Variants in ESRRG observed in about 807,000 individuals in gnomAD.
The protein encoded by ESRRG is estrogen-related receptor gamma.
In ESRRG, 13 loss-of-function variants were observed where a neutral mutation model predicts 44.0. The ratio of observed to expected loss-of-function variants is 0.30; its 90% CI spans 0.19 to 0.47. ESRRG has a LOEUF of 0.47. Among genes scored for constraint, ESRRG ranks in the 20% least tolerant of loss-of-function variants. The pLI is 1.00. For synonymous variants in ESRRG, 215 were observed against 214.6 expected (o/e 1.00, Z -0.02); for missense variants, 395 against 580.6 (o/e 0.68, Z 3.29).
intron 2 of ESRRG, among the ~76,000 whole-genome samples, chr1:216,672,716 A>G (rs2075417974): frequency 6.6e-6 from 1 of 151,808 alleles, no homozygotes; most frequent in African/African-American, 2.4e-5. Context: ...AAAGAGTGAA[A>G]AATTAGGTAG....
chr1:217,075,857 G>A (rs191429464), intron 1 of ESRRG, among the ~76,000 whole-genome samples: 1 of 152,092 alleles, frequency 6.6e-6, no homozygotes, highest in Non-Finnish European at 1.5e-5. Flanking sequence ...GTATGTAGAG[G>A]GGGTTGATGC....
chr1:217,019,128 T>G (rs2079893989), intron 1 of ESRRG, among the ~76,000 whole-genome samples: 1 of 152,230 alleles, frequency 6.6e-6, no homozygotes, highest in African/African-American at 2.4e-5. Flanking sequence ...GTTTGTTCTC[T>G]AACTGTAGTT....
chr1:216,668,834 A>G (rs1197901870), intron 2 of ESRRG, among the ~76,000 whole-genome samples: 1 of 152,234 alleles, frequency 6.6e-6, no homozygotes, highest in African/African-American at 2.4e-5. Context: ...CTGAAGAAGT[A>G]AAAATATTCT....
intron 2 of ESRRG, among the ~76,000 whole-genome samples, chr1:216,767,239 C>A (rs187886525): frequency 4.6e-5 from 7 of 151,970 alleles, no homozygotes; most frequent in Admixed American, 2.6e-4. Flanking sequence ...GTTACATTGG[C>A]TTCTAAAAAA....
intron 2 of ESRRG, among the ~76,000 whole-genome samples, chr1:216,845,113 A>G (rs984819357): frequency 5.3e-5 from 8 of 152,136 alleles, no homozygotes; most frequent in African/African-American, 1.9e-4. Flanking sequence ...CATCTGAAAT[A>G]CCAATGTACG....
intron 1 of ESRRG, among the ~76,000 whole-genome samples, chr1:217,032,281 C>T (rs1194137921): frequency 6.6e-6 from 1 of 152,150 alleles, no homozygotes; most frequent in Non-Finnish European, 1.5e-5. Context: ...TCAGTTCTTT[C>T]ATTTTATGAT....
intron 2 of ESRRG, among the ~76,000 whole-genome samples, chr1:216,748,606 A>T (rs1444484698): frequency 6.6e-6 from 1 of 152,194 alleles, no homozygotes; most frequent in African/African-American, 2.4e-5. Context: ...GTGTTTGCTC[A>T]AGTTACACAA....
At chr1:216,687,247 G>T (rs1199242645) in intron 1 of ESRRG, among the ~76,000 whole-genome samples, 1 of 152,088 alleles carries the variant, frequency 6.6e-6, no homozygotes, top group Non-Finnish European at 1.5e-5. Context: ...TCCTAGAAAT[G>T]GTTCTGCTTT....
chr1:216,879,503 AAAG>A lies in ESRRG; in HGVS notation c.-14+60076_-14+60078del, dbSNP rs930364191. Among the ~76,000 whole-genome samples, 20 of 151,196 alleles carry A rather than the reference AAAG, an allele frequency of 1.3e-4. No individual in the cohort carries two copies. In the South Asian group the frequency reaches 2.1e-3, roughly 16 times the overall value. On this transcript the variant is annotated intron_variant, in intron 2 of 7. Coordinates refer to the ESRRG transcript ENST00000359162. ...GGCCACCAAAAAAAAAAAAAAAAAAAAAGAAGAAGAAGAAAAAGGCAGTTTAAA... is the reference window on the plus strand; with the variant it reads ...GGCCACCAAAAAAAAAAAAAAAAAAAAAGAAGAAGAAAAAGGCAGTTTAAA...
chr1:217,098,570 A>T (rs1223803624), intron 1 of ESRRG, among the ~76,000 whole-genome samples: 1 of 152,124 alleles, frequency 6.6e-6, no homozygotes, highest in Non-Finnish European at 1.5e-5. Flanking sequence ...GTGTATCCAC[A>T]TTTGAAGGTT....
intron 1 of ESRRG, among the ~76,000 whole-genome samples, chr1:217,062,658 GTCTTCTCT>G (rs2088802527): frequency 6.6e-6 from 1 of 152,168 alleles, no homozygotes; most frequent in African/African-American, 2.4e-5. Flanking sequence ...AGAGCTTGAG[GTCTTCTCT>G]TTGGAAAGCC....
intron 2 of ESRRG, among the ~76,000 whole-genome samples, chr1:216,672,062 G>GA (rs2151417566): frequency 6.7e-6 from 1 of 150,184 alleles, no homozygotes. Context: ...AGGAAGGAAG[G>GA]AGGGAAAGAA....
chr1:216,935,455 A>G (rs950872612), intron 2 of ESRRG, among the ~76,000 whole-genome samples: 25 of 152,156 alleles, frequency 1.6e-4, no homozygotes, highest in Non-Finnish European at 1.8e-4. Context: ...TATAAAGAAT[A>G]CAGATGAACA....
chr1:216,546,323 TATCAAAAA>T (rs1213692787), intron 5 of ESRRG, among the ~76,000 whole-genome samples: 1 of 152,096 alleles, frequency 6.6e-6, no homozygotes, highest in African/African-American at 2.4e-5. Context: ...AGAATAACGG[TATCAAAAA>T]AGCTTGTCTG....
intron 1 of ESRRG, among the ~76,000 whole-genome samples, chr1:216,982,602 G>A (rs2074148548): frequency 1.3e-5 from 2 of 152,168 alleles, no homozygotes; most frequent in African/African-American, 4.8e-5. Flanking sequence ...AGAAAAAAAG[G>A]TATTGAAAAA....
intron 5 of ESRRG, among the ~76,000 whole-genome samples, chr1:216,529,199 T>A (rs1360691264): frequency 6.6e-6 from 1 of 152,160 alleles, no homozygotes; most frequent in East Asian, 1.9e-4. Flanking sequence ...TCAAGCAGAA[T>A]CTATTTAAAT....
At chr1:216,607,116 A>C (rs1267537356) in intron 3 of ESRRG, among the ~76,000 whole-genome samples, 2 of 152,206 alleles carry the variant, frequency 1.3e-5, no homozygotes, top group Non-Finnish European at 2.9e-5. Context: ...CATTCATAAA[A>C]TCATGTTACC....
chr1:216,847,337 A>G (rs2095768457), intron 2 of ESRRG, among the ~76,000 whole-genome samples: 1 of 152,278 alleles, frequency 6.6e-6, no homozygotes, highest in African/African-American at 2.4e-5. Context: ...AATAAACTAT[A>G]TAGGGGCAGA....
At chr1:216,530,682 T>C (rs914718163) in intron 5 of ESRRG, among the ~76,000 whole-genome samples, 1 of 152,190 alleles carries the variant, frequency 6.6e-6, no homozygotes, top group Non-Finnish European at 1.5e-5. Context: ...TGTGATTATC[T>C]TGTGTACTTT....
Sources: gnomAD v4.1 joint callset for allele counts (sites outside exome capture counted in the v4.1 genomes callset) on GRCh38, gnomAD v4.1.1 for gene constraint, MANE v1.5 for transcripts, NCBI Gene and HGNC (gene_info 2026-07-23, HGNC 2026-07-21) for gene names.